The following CDKL5 variants were observed in gnomAD, a reference collection of about 807,000 sequenced individuals.
CDKL5 encodes the protein cyclin-dependent kinase-like 5.
CDKL5 carries 8 observed loss-of-function variants against 61.7 expected under a neutral mutation model. That is an observed-to-expected ratio of 0.13 (90% confidence interval 0.08 to 0.23). The LOEUF (loss-of-function observed/expected upper bound fraction) is 0.23. Among genes scored for constraint, CDKL5 ranks in the 10% least tolerant of loss-of-function variants. The pLI is 1.00. For synonymous variants in CDKL5, 275 were observed against 272.3 expected (o/e 1.01, Z -0.10); for missense variants, 440 against 734.5 (o/e 0.60, Z 4.63).
chrX:18,611,699 T>C (rs1464629998), intron 14 of CDKL5, among the ~76,000 whole-genome samples: 1 of 111,730 alleles, frequency 9.0e-6, no homozygotes, highest in Non-Finnish European at 1.9e-5. Flanking sequence ...AATAAATTGG[T>C]TAATTCAGAG....
intron 1 of CDKL5, among the ~76,000 whole-genome samples, chrX:18,488,399 ATTG>A (rs1921866762): frequency 9.0e-6 from 1 of 111,631 alleles, no homozygotes; most frequent in Non-Finnish European, 1.9e-5. Flanking sequence ...AAATGTTACA[ATTG>A]TTGTATTATA....
chrX:18,626,667 T>G (rs1927055656), intron 17 of CDKL5: 1 of 13,883 alleles, frequency 7.2e-5, no homozygotes, highest in Non-Finnish European at 1.3e-4. Flanking sequence ...AAGCCCTCTC[T>G]CTCTCTCTCT....
At position 18,638,878 on chromosome X, in the gene CDKL5, A is replaced by T. The variant is rs1927473143; in HGVS notation, c.*10121A>T. Among the ~76,000 whole-genome samples, 2 of 112,111 alleles carry T rather than the reference A, an allele frequency of 1.8e-5. No homozygotes were observed. Among genetic ancestry groups the T allele is most frequent in the Admixed American group, 1.9e-4 (2 of 10,504 alleles). On this transcript the variant is annotated 3_prime_UTR_variant, in exon 18 of 18. Coordinates refer to ENST00000623535, the MANE Select transcript of CDKL5 (RefSeq NM_001323289.2). ...AATAGAATTTGGAGTCCAGAAATAA[A>T]CCCTCTCACATTTATGGTCAATTGT...
chrX:18,486,326 T>C (rs1415262968), intron 1 of CDKL5, among the ~76,000 whole-genome samples: 1 of 112,127 alleles, frequency 8.9e-6, no homozygotes, highest in Non-Finnish European at 1.9e-5. Context: ...TCTGCTTTTC[T>C]AGTATCTCTT....
chrX:18,590,730 G>A (rs902916417), intron 9 of CDKL5, among the ~76,000 whole-genome samples: 1 of 111,942 alleles, frequency 8.9e-6, no homozygotes, highest in African/African-American at 3.2e-5. Context: ...CAGCAGGTTA[G>A]CTCAACATTT....
At chrX:18,604,918 G>A (rs768089909) in intron 12 of CDKL5, 50 bp downstream of exon 12, 1 of 1,187,911 alleles carries the variant, frequency 8.4e-7, no homozygotes, top group South Asian at 1.8e-5. Flanking sequence ...GGGGAAGGTG[G>A]TACGAGGGAT....
In CDKL5 at chrX:18,638,346, CA is replaced by C. The variant is rs1281728146; in HGVS notation, c.*9592del. 1.8e-5 allele frequency: 2 copies of C among 112,090 alleles called. No individual in the cohort carries two copies. The highest frequency in any genetic ancestry group is 6.5e-5 in the African/African-American group (2 of 30,832). 9.2% of individuals were successfully genotyped at this position (112,090 alleles called of 1,213,427 possible). A position where few individuals can be genotyped will look rare whatever the true frequency, so the allele number is the denominator to read the frequency against. ...TGTATATTTTACCGCAATTTTTAAA[CA>C]AACTCCAGTGTAGACCGTGCTCTAG... is the stretch of plus-strand genomic sequence containing the variant. On this transcript the variant is annotated 3_prime_UTR_variant, in exon 18 of 18. Transcript: ENST00000623535.
chrX:18,428,517 A>G (rs1174186707), intron 1 of CDKL5, among the ~76,000 whole-genome samples: 1 of 111,697 alleles, frequency 9.0e-6, no homozygotes, highest in Admixed American at 9.6e-5. Flanking sequence ...CTGTGGGAAT[A>G]TGACTTTTTT....
At chrX:18,516,553 C>CTT (rs1262915228) in intron 3 of CDKL5, among the ~76,000 whole-genome samples, 1 of 104,203 alleles carries the variant, frequency 9.6e-6, no homozygotes, top group Middle Eastern at 4.6e-3. Context: ...CTGCTGTTGT[C>CTT]TTTTTTTTTT....
chrX:18,580,485 A>G (rs1457534297), intron 6 of CDKL5, among the ~76,000 whole-genome samples: 1 of 111,459 alleles, frequency 9.0e-6, no homozygotes, highest in Non-Finnish European at 1.9e-5. Flanking sequence ...TCTACCCCTT[A>G]GTGAAAAGTG....
At chrX:18,597,590 GA>G (rs1487066989) in intron 10 of CDKL5, among the ~76,000 whole-genome samples, 1 of 95,489 alleles carries the variant, frequency 1.0e-5, no homozygotes, top group East Asian at 3.8e-4. Flanking sequence ...GCTACAGAAT[GA>G]TTTTTTTTTT....
Position 18,633,233 on chromosome X carries a change from G to A in CDKL5, c.*4476G>A. The A allele has an allele frequency of 2.7e-6, 2 of 754,645 alleles. No homozygotes were observed. Among genetic ancestry groups the A allele is most frequent in the South Asian group, 6.7e-5 (1 of 14,867 alleles). The allele number at this position is 754,645 out of a possible 1,213,427, so 62.2% of individuals were successfully genotyped here. On this transcript the variant is annotated 3_prime_UTR_variant, in exon 18 of 18. Coordinates refer to ENST00000623535, the MANE Select transcript of CDKL5 (RefSeq NM_001323289.2). ...ATACTTTTGTGAACTTTGGAATGTG[G>A]TAGGGTACACTGAACCAAGTCAGAA...
intron 3 of CDKL5, among the ~76,000 whole-genome samples, chrX:18,551,792 C>A (rs1022194873): frequency 2.8e-5 from 3 of 107,224 alleles, no homozygotes; most frequent in African/African-American, 1.0e-4. Context: ...AGGGTTTCAC[C>A]ATGTTGCCCA....
intron 15 of CDKL5, among the ~76,000 whole-genome samples, chrX:18,615,975 CAA>C (rs955033944): frequency 8.9e-6 from 1 of 111,833 alleles, no homozygotes; most frequent in African/African-American, 3.3e-5. Context: ...TCAGAACAAG[CAA>C]AATAGAGTTA....
At chrX:18,564,170 G>A (rs1282823694) in intron 3 of CDKL5, among the ~76,000 whole-genome samples, 1 of 111,453 alleles carries the variant, frequency 9.0e-6, no homozygotes, top group East Asian at 2.8e-4. Context: ...ACTCATCCTG[G>A]CACTTTTGAG....
intron 4 of CDKL5, 139 bp from the exon 5 acceptor site, chrX:18,575,215 A>G: frequency 1.9e-6 from 1 of 515,520 alleles, no homozygotes; most frequent in Non-Finnish European, 3.2e-6. Context: ...GTGTTATTTA[A>G]TATTCCATTC....
intron 1 of CDKL5, among the ~76,000 whole-genome samples, chrX:18,449,978 A>G (rs1602197458): frequency 9.0e-6 from 1 of 111,533 alleles, no homozygotes; most frequent in East Asian, 2.8e-4. Context: ...TATTTTTAGT[A>G]GAGTCGGGGT....
intron 3 of CDKL5, among the ~76,000 whole-genome samples, chrX:18,547,660 G>A (rs1924246162): frequency 9.0e-6 from 1 of 111,648 alleles, no homozygotes; most frequent in Non-Finnish European, 1.9e-5. Flanking sequence ...TTTTGCTTTA[G>A]TGCTCAAGGT....
At position 18,510,904 on chromosome X, in the gene CDKL5, T is replaced by C. The variant is rs369016064; in HGVS notation, c.99+50T>C. 71 of 913,831 alleles carry C rather than the reference T, an allele frequency of 7.8e-5. No individual in the cohort carries two copies. In the African/African-American group the frequency reaches 1.3e-3, roughly 16 times the overall value. 75.3% of individuals were successfully genotyped at this position (913,831 alleles called of 1,213,427 possible). ...AATATCTGTATATGTTTAACTGTTT[T>C]GAAACTAATGTAGTGGTCTTTGCGT... On this transcript the variant is annotated intron_variant, in intron 3 of 17. Transcript: ENST00000623535.
Sources: allele counts gnomAD v4.1 joint callset (sites outside exome capture counted in the v4.1 genomes callset), GRCh38; gene constraint gnomAD v4.1.1; transcripts MANE v1.5; gene names NCBI Gene and HGNC (gene_info 2026-07-23, HGNC 2026-07-21).